The following EIF4B variants were observed in gnomAD, a reference collection of about 807,000 sequenced individuals.
EIF4B encodes eukaryotic translation initiation factor 4B.
In EIF4B, 8 loss-of-function variants were observed where a neutral mutation model predicts 79.3. The ratio of observed to expected loss-of-function variants is 0.10; its 90% CI spans 0.06 to 0.18. The LOEUF is 0.18. EIF4B is among the 10% of genes least tolerant of loss of function. The pLI, the probability that EIF4B is intolerant of heterozygous loss-of-function variation, is 1.00. For missense variants in EIF4B, 515 were observed against 792.4 expected (o/e 0.65, Z 4.20); for synonymous variants, 238 against 274.7 (o/e 0.87, Z 1.32).
chr12:53,036,317 T>A (rs1227649088), intron 10 of EIF4B, among the ~76,000 whole-genome samples: 1 of 152,154 alleles, frequency 6.6e-6, no homozygotes, highest in East Asian at 1.9e-4. Flanking sequence ...TTTCACCATG[T>A]TGGCCAGGAT....
chr12:53,011,899 A>C (rs1369275793), intron 1 of EIF4B, among the ~76,000 whole-genome samples: 1 of 152,228 alleles, frequency 6.6e-6, no homozygotes, highest in African/African-American at 2.4e-5. Context: ...AGTTCACATA[A>C]GATTTAGAGA....
intron 2 of EIF4B, among the ~76,000 whole-genome samples, chr12:53,017,544 T>A (rs900137143): frequency 6.6e-6 from 1 of 152,190 alleles, no homozygotes; most frequent in Admixed American, 6.5e-5. Flanking sequence ...GAAAATCGTT[T>A]ATTGCATGCT....
rs755537379 is a variant in EIF4B, at chr12:53,027,903, C to CAGAGACTATG, written c.791_800dup (p.Asp267GlufsTer4). On this transcript the variant is annotated frameshift_variant, in exon 7 of 15. Coordinates refer to ENST00000262056, the MANE Select transcript of EIF4B (RefSeq NM_001417.7). LOFTEE classifies it high-confidence loss of function. Reference sequence around the variant, plus strand: ...GGGATCGCTATGATGACCGAGGCAGCAGAGACTATGATAGAGGTAATTGTA... The same window carrying CAGAGACTATG: ...GGGATCGCTATGATGACCGAGGCAGCAGAGACTATGAGAGACTATGATAGAGGTAATTGTA... 1 of 1,614,066 alleles carries CAGAGACTATG rather than the reference C, an allele frequency of 6.2e-7. No homozygotes were observed. The highest frequency in any genetic ancestry group is 1.3e-5 in the African/African-American group (1 of 74,920).
chr12:53,031,960 GACAA>G (rs763095852), intron 8 of EIF4B, among the ~76,000 whole-genome samples: 9 of 152,126 alleles, frequency 5.9e-5, no homozygotes, highest in Non-Finnish European at 8.8e-5. Context: ...AAATATTTAG[GACAA>G]ACAATCATTT....
In EIF4B at chr12:53,021,829, A is replaced by C. The variant is rs1245588424; in HGVS notation, c.501A>C (p.Arg167=). The C allele has an allele frequency of 6.2e-7, 1 of 1,614,210 alleles. No homozygotes were observed. Among genetic ancestry groups the C allele is most frequent in the African/African-American group, 1.3e-5 (1 of 75,044 alleles). ...NEESLGNRRI[R]VDVADQAQDK... is the part of the protein sequence containing the mutation. Reference sequence around the variant, plus strand: ...AGTCTCTAGGTAACAGGAGAATTCGAGTGGACGTTGCTGATCAAGCACAGG... The same window carrying C: ...AGTCTCTAGGTAACAGGAGAATTCGCGTGGACGTTGCTGATCAAGCACAGG... Residue 167 remains arginine (R), a synonymous_variant, in exon 5 of 15, where the codon CGA becomes CGC. Coordinates refer to ENST00000262056, the MANE Select transcript of EIF4B (RefSeq NM_001417.7).
At chr12:53,039,984 T>C in intron 14 of EIF4B, 159 bp from the exon 15 acceptor site, 1 of 814,958 alleles carries the variant, frequency 1.2e-6, no homozygotes, top group African/African-American at 1.7e-5. Flanking sequence ...CCTCTGACCC[T>C]CTTCCCTAGC....
intron 6 of EIF4B, among the ~76,000 whole-genome samples, chr12:53,025,815 A>G (rs1197180225): frequency 2.0e-5 from 3 of 152,196 alleles, no homozygotes; most frequent in African/African-American, 4.8e-5. Context: ...AGCCACAAGA[A>G]AAAGATCCCT....
intron 8 of EIF4B, 89 bp downstream of exon 8, chr12:53,028,277 G>T: frequency 6.8e-7 from 1 of 1,470,748 alleles, no homozygotes; most frequent in South Asian, 1.4e-5. Context: ...ACTGAGTTGG[G>T]CACAAATATA....
chr12:53,020,408 A>G (rs961450044), intron 4 of EIF4B, among the ~76,000 whole-genome samples: 2 of 152,224 alleles, frequency 1.3e-5, no homozygotes, highest in African/African-American at 2.4e-5. Context: ...TATTAAAGGC[A>G]TATCTCATTT....
At chr12:53,026,183 T>C (rs2120940311) in intron 6 of EIF4B, among the ~76,000 whole-genome samples, 1 of 152,340 alleles carries the variant, frequency 6.6e-6, no homozygotes, top group Middle Eastern at 3.4e-3. Context: ...TTGTTTTAGT[T>C]AGTTAATTTA....
intron 3 of EIF4B, among the ~76,000 whole-genome samples, chr12:53,019,431 A>ATTTT (rs1555151903): frequency 1.2e-3 from 41 of 35,052 alleles, no homozygotes; most frequent in Non-Finnish European, 3.2e-3. Flanking sequence ...AATTATATAT[A>ATTTT]TATATATTTT....
In EIF4B at chr12:53,030,683, T is replaced by A. The variant is rs547811015; in HGVS notation, c.979+2495T>A. Reference sequence around the variant, plus strand: ...CCTCGGCCTCCCAAAGTGCTGGGATTACAGGCGTGGGCCACTGCGCCCAGT... The same window carrying A: ...CCTCGGCCTCCCAAAGTGCTGGGATAACAGGCGTGGGCCACTGCGCCCAGT... On this transcript the variant is annotated intron_variant, in intron 8 of 14. Transcript: ENST00000262056. Among the ~76,000 whole-genome samples, 471 of 152,114 alleles carry A rather than the reference T, an allele frequency of 3.1e-3. 3 individuals carry two copies. The highest frequency in any genetic ancestry group is 0.014 in the Middle Eastern group (4 of 294).
chr12:53,013,254 T>C (rs570734828), intron 1 of EIF4B, among the ~76,000 whole-genome samples: 5 of 152,322 alleles, frequency 3.3e-5, no homozygotes, highest in Admixed American at 1.3e-4. Context: ...CTTGACCTTA[T>C]TGTACTGACC....
intron 10 of EIF4B, among the ~76,000 whole-genome samples, chr12:53,036,063 C>T (rs919625192): frequency 2.7e-5 from 4 of 150,744 alleles, no homozygotes; most frequent in Admixed American, 6.7e-5. Context: ...GGATTACAGA[C>T]GTGAGCCACC....
At chr12:53,019,474 T>TTTTTTTTTTTTTTTTTTA in intron 3 of EIF4B, among the ~76,000 whole-genome samples, 1 of 136,376 alleles carries the variant, frequency 7.3e-6, no homozygotes, top group Non-Finnish European at 1.6e-5. Context: ...TTTTTTTTTT[T>TTTTTTTTTTTTTTTTTTA]GAGACAGAGT....
At chr12:53,034,090 AT>A in intron 9 of EIF4B, 56 bp downstream of exon 9, 1 of 1,506,294 alleles carries the variant, frequency 6.6e-7, no homozygotes, top group Non-Finnish European at 9.0e-7. Context: ...TAATGGGGGC[AT>A]TACATCCCCA....
intron 13 of EIF4B, 25 bp from the exon 14 acceptor site, chr12:53,039,605 T>C (rs1274721156): frequency 6.2e-7 from 1 of 1,612,938 alleles, no homozygotes; most frequent in Admixed American, 1.7e-5. Flanking sequence ...CCTAAAGACA[T>C]GGTTTTATGC....
At chr12:53,018,731 C>G in intron 2 of EIF4B, 67 bp from the exon 3 acceptor site, 1 of 1,569,556 alleles carries the variant, frequency 6.4e-7, no homozygotes, top group Non-Finnish European at 8.7e-7. Context: ...TAACATGGGT[C>G]CTCTTGTTCT....
intron 6 of EIF4B, chr12:53,025,416 C>A (rs1943317411): frequency 2.9e-6 from 1 of 350,464 alleles, no homozygotes; most frequent in Admixed American, 3.9e-5. Flanking sequence ...GATCCAGAGA[C>A]TCCTGTCCCA....
Sources: allele counts gnomAD v4.1 joint callset (sites outside exome capture counted in the v4.1 genomes callset), GRCh38; gene constraint gnomAD v4.1.1; transcripts MANE v1.5; gene names NCBI Gene and HGNC (gene_info 2026-07-23, HGNC 2026-07-21).